The following TSHZ3 variants were observed in gnomAD, a reference collection of about 807,000 sequenced individuals.
The protein encoded by TSHZ3 is teashirt zinc finger homeobox 3.
TSHZ3 carries 10 observed loss-of-function variants against 64.5 expected under a neutral mutation model. The observed-to-expected ratio is 0.16, with a 90% CI of 0.10 to 0.26. The LOEUF is 0.26. TSHZ3 is among the 10% of genes least tolerant of loss of function. The pLI, the probability that TSHZ3 is intolerant of heterozygous loss-of-function variation, is 1.00. For missense variants in TSHZ3, 1,242 were observed against 1,421.7 expected (o/e 0.87, Z 2.03); for synonymous variants, 608 against 593.1 (o/e 1.03, Z -0.36).
intron 4 of TSHZ3, among the ~76,000 whole-genome samples, chr19:31,221,754 C>A (rs1022065108): frequency 1.5e-4 from 23 of 152,312 alleles, no homozygotes; most frequent in African/African-American, 5.5e-4. Flanking sequence ...AGCATTAACA[C>A]GGTATCTGGC....
chr19:31,192,271 C>T (rs569839089), intron 5 of TSHZ3, among the ~76,000 whole-genome samples: 25 of 152,298 alleles, frequency 1.6e-4, no homozygotes, highest in African/African-American at 5.3e-4. Flanking sequence ...AGAAGAATAA[C>T]AACTTAATAA....
chr19:31,319,143 T>G (rs1916691711), intron 1 of TSHZ3, among the ~76,000 whole-genome samples: 1 of 152,128 alleles, frequency 6.6e-6, no homozygotes. Context: ...CATTCCCCTA[T>G]AGAGAAAAAC....
intron 4 of TSHZ3, among the ~76,000 whole-genome samples, chr19:31,222,726 T>A (rs954014508): frequency 6.6e-6 from 1 of 152,152 alleles, no homozygotes; most frequent in South Asian, 2.1e-4. Flanking sequence ...TGGAGTTAAT[T>A]TGAATTATTG....
intron 5 of TSHZ3, among the ~76,000 whole-genome samples, chr19:31,181,443 T>A (rs1435251779): frequency 2.0e-5 from 3 of 152,160 alleles, no homozygotes; most frequent in Non-Finnish European, 4.4e-5. Flanking sequence ...TTTCTCCATG[T>A]CTAAGGGGTT....
intron 4 of TSHZ3, among the ~76,000 whole-genome samples, chr19:31,206,608 A>T (rs1208216348): frequency 4.6e-5 from 7 of 152,198 alleles, no homozygotes; most frequent in African/African-American, 1.7e-4. Context: ...GACACGATAA[A>T]TACTTAAACT....
chr19:31,329,357 G>T (rs1248158096), intron 1 of TSHZ3, among the ~76,000 whole-genome samples: 1 of 152,210 alleles, frequency 6.6e-6, no homozygotes, highest in Non-Finnish European at 1.5e-5. Context: ...CAGGGCTAAA[G>T]TTTACATTTA....
Position 31,166,706 on chromosome 19 carries a change from T to C in TSHZ3, n.810-10289A>G, listed in dbSNP as rs1384437576. Among the ~76,000 whole-genome samples the C allele has an allele frequency of 3.3e-5, 5 of 152,180 alleles. No homozygotes were observed. In the South Asian group the frequency reaches 8.3e-4, roughly 25 times the overall value. On this transcript the variant is annotated intron_variant and non_coding_transcript_variant, in intron 5 of 6. Transcript: ENST00000651361. Reference sequence around the variant, plus strand: ...CGGTGCTGGGATGAAATGTCCATCTTCTATCACTCCTTTTCACCCCTGCAA... The same window carrying C: ...CGGTGCTGGGATGAAATGTCCATCTCCTATCACTCCTTTTCACCCCTGCAA...
At chr19:31,290,056 A>G (rs913907488) in intron 1 of TSHZ3, among the ~76,000 whole-genome samples, 1 of 152,064 alleles carries the variant, frequency 6.6e-6, no homozygotes, top group Non-Finnish European at 1.5e-5. Flanking sequence ...AAGCAAGGGG[A>G]TCCCCTTCTC....
chr19:31,246,011 G>A (rs1975753658), intron 1 of TSHZ3, among the ~76,000 whole-genome samples: 1 of 152,144 alleles, frequency 6.6e-6, no homozygotes, highest in Non-Finnish European at 1.5e-5. Flanking sequence ...CATAGATGAG[G>A]CATGCTAAAA....
chr19:31,348,963 A>G (rs1045107293), intron 1 of TSHZ3: 1 of 550,314 alleles, frequency 1.8e-6, no homozygotes, highest in Non-Finnish European at 3.1e-6. Context: ...CGGCTCCCCA[A>G]ATGGGTGCGA....
chr19:31,227,031 T>G (rs898773305), intron 4 of TSHZ3, among the ~76,000 whole-genome samples: 1 of 137,650 alleles, frequency 7.3e-6, no homozygotes, highest in Non-Finnish European at 1.5e-5. Flanking sequence ...CAGGCTGGAG[T>G]GCAGTGGTGC....
rs1001829556 is a variant in TSHZ3, at chr19:31,276,266, G to A, written c.*281C>T. 3.3e-6 allele frequency: 1 copy of A among 300,626 alleles called. No individual in the cohort carries two copies. Among genetic ancestry groups the A allele is most frequent in the Non-Finnish European group, 6.1e-6 (1 of 163,054 alleles). The allele number at this position is 300,626 out of a possible 1,614,324, so 18.6% of individuals were successfully genotyped here. ...TTAATTAAACTGTCTGTTAATGCATGCAGCTTGAAGCATCGGGAGGATGCT... is the reference window on the plus strand; with the variant it reads ...TTAATTAAACTGTCTGTTAATGCATACAGCTTGAAGCATCGGGAGGATGCT... On this transcript the variant is annotated 3_prime_UTR_variant, in exon 2 of 2. Transcript: ENST00000240587.
At chr19:31,174,558 G>A (rs150127617) in intron 5 of TSHZ3, among the ~76,000 whole-genome samples, 1 of 152,306 alleles carries the variant, frequency 6.6e-6, no homozygotes, top group Non-Finnish European at 1.5e-5. Context: ...ATCACACCTG[G>A]TGTGTCCCCT....
intron 4 of TSHZ3, among the ~76,000 whole-genome samples, chr19:31,217,041 CA>C: frequency 6.6e-6 from 1 of 151,500 alleles, no homozygotes; most frequent in South Asian, 2.1e-4. Context: ...TCAGGTGATC[CA>C]CCCGCCTCAG....
At chr19:31,293,749 A>T (rs911805315) in intron 1 of TSHZ3, among the ~76,000 whole-genome samples, 4 of 152,196 alleles carry the variant, frequency 2.6e-5, no homozygotes, top group African/African-American at 9.7e-5. Flanking sequence ...CTGTGCATAA[A>T]TTCTCTTTCC....
At chr19:31,245,447 G>T (rs1975748111) in intron 1 of TSHZ3, among the ~76,000 whole-genome samples, 1 of 152,150 alleles carries the variant, frequency 6.6e-6, no homozygotes, top group Admixed American at 6.5e-5. Context: ...TGCTTACAAG[G>T]TTTCAGGTCA....
chr19:31,348,951 A>T (rs2021607612), intron 1 of TSHZ3: 4 of 508,628 alleles, frequency 7.9e-6, no homozygotes, highest in Admixed American at 4.1e-5. Flanking sequence ...GCGCTCCGCG[A>T]GCGGCTCCCC....
chr19:31,176,828 A>C (rs1479525487), intron 5 of TSHZ3, among the ~76,000 whole-genome samples: 16 of 152,084 alleles, frequency 1.1e-4, no homozygotes, highest in East Asian at 1.9e-4. Flanking sequence ...ACAACAACAA[A>C]AAACACAACG....
chr19:31,282,904 C>T (rs987429329), intron 1 of TSHZ3, among the ~76,000 whole-genome samples: 2 of 152,202 alleles, frequency 1.3e-5, no homozygotes, highest in Admixed American at 1.3e-4. Flanking sequence ...TTCTTTCAAG[C>T]GCACACCCTC....
Sources: gnomAD v4.1 joint callset for allele counts (sites outside exome capture counted in the v4.1 genomes callset) on GRCh38, gnomAD v4.1.1 for gene constraint, MANE v1.5 for transcripts, NCBI Gene and HGNC (gene_info 2026-07-23, HGNC 2026-07-21) for gene names.